BTRC: variants seen among roughly 807,000 people sequenced by gnomAD.
The protein encoded by BTRC is beta-transducin repeat containing E3 ubiquitin protein ligase, also known as F-box/WD repeat-containing protein 1A.
Under a neutral mutation model 85.5 loss-of-function variants are expected in BTRC, and 42 were observed. The observed-to-expected ratio is 0.49, with a 90% CI of 0.38 to 0.64. The LOEUF is 0.64. Ranked by LOEUF, BTRC falls within the 30% of genes least tolerant of loss-of-function variation. The pLI is 0.00. For missense variants in BTRC, 594 were observed against 743.5 expected (o/e 0.80, Z 2.34); for synonymous variants, 255 against 263.3 (o/e 0.97, Z 0.30).
chr10:101,354,058 G>T (rs1172780330), upstream of BTRC: 18 of 1,181,268 alleles, frequency 1.5e-5, no homozygotes, highest in African/African-American at 1.2e-4. Flanking sequence ...CTCAGCCTGC[G>T]CCTGAGAGGT....
chr10:101,480,396 T>TA lies in BTRC; in HGVS notation c.324+942dup, dbSNP rs769536004. Among the ~76,000 whole-genome samples, 7 of 152,332 alleles carry TA rather than the reference T, an allele frequency of 4.6e-5. No homozygotes were observed. In the South Asian group the frequency reaches 1.5e-3, roughly 32 times the overall value. ...AAAATACTGTAAGCTGGGTGGCTTA[T>TA]AAACAAAACTAATTTTTTTCTTATA... On this transcript the variant is annotated intron_variant, in intron 4 of 14. Transcript: ENST00000370187.
At chr10:101,475,480 C>G (rs752768275) in intron 3 of BTRC, among the ~76,000 whole-genome samples, 77 of 152,178 alleles carry the variant, frequency 5.1e-4, no homozygotes, top group Non-Finnish European at 9.8e-4. Flanking sequence ...GTGCAGGTTA[C>G]AGTGAGCCGA....
chr10:101,375,662 C>T (rs1025487005), intron 1 of BTRC, among the ~76,000 whole-genome samples: 1 of 152,164 alleles, frequency 6.6e-6, no homozygotes, highest in South Asian at 2.1e-4. Flanking sequence ...GGAAACCTAG[C>T]AAGGAACTAA....
chr10:101,404,445 A>G (rs1045413794), intron 1 of BTRC, among the ~76,000 whole-genome samples: 5 of 151,946 alleles, frequency 3.3e-5, no homozygotes, highest in African/African-American at 1.2e-4. Context: ...ATACCAAGTA[A>G]TTTTTGCGTT....
chr10:101,497,221 A>G lies in BTRC; in HGVS notation c.324+17764A>G, dbSNP rs369616437. Among the ~76,000 whole-genome samples, 19 of 152,122 alleles carry G rather than the reference A, an allele frequency of 1.2e-4. No individual in the cohort carries two copies. The East Asian group carries it at 2.3e-3, about 18-fold the overall frequency. On this transcript the variant is annotated intron_variant, in intron 4 of 14. Coordinates refer to ENST00000370187, the MANE Select transcript of BTRC (RefSeq NM_033637.4). ...ACCATATGCTTATAGGTCTTTATCA[A>G]AATCTTGAACTCTGATAGTAAGTGC...
chr10:101,524,676 T>C (rs1316967457), intron 5 of BTRC, among the ~76,000 whole-genome samples: 2 of 152,178 alleles, frequency 1.3e-5, no homozygotes, highest in Non-Finnish European at 2.9e-5. Flanking sequence ...GGACTGCATT[T>C]TGGAAATTTC....
chr10:101,437,472 T>C (rs560787844), intron 2 of BTRC, among the ~76,000 whole-genome samples: 4 of 152,204 alleles, frequency 2.6e-5, no homozygotes, highest in Non-Finnish European at 5.9e-5. Context: ...TTTATTACAT[T>C]TAATTAAATT....
At chr10:101,544,388 T>A (rs1218190475) in intron 13 of BTRC, among the ~76,000 whole-genome samples, 2 of 149,756 alleles carry the variant, frequency 1.3e-5, no homozygotes, top group African/African-American at 5.0e-5. Context: ...ATACTTTCAC[T>A]TGTTGTTTAC....
At chr10:101,379,300 C>G (rs928896821) in intron 1 of BTRC, among the ~76,000 whole-genome samples, 3 of 152,164 alleles carry the variant, frequency 2.0e-5, no homozygotes, top group Non-Finnish European at 4.4e-5. Flanking sequence ...AAACTACATA[C>G]AATTCTTAGG....
intron 1 of BTRC, among the ~76,000 whole-genome samples, chr10:101,366,949 T>TATATATTTATATATATTTATATATATTA: frequency 2.5e-5 from 1 of 39,494 alleles, no homozygotes; most frequent in African/African-American, 7.8e-5. Flanking sequence ...TATATATATT[T>TATATATTTATATATATTTATATATATTA]ATATATATAT....
intron 4 of BTRC, among the ~76,000 whole-genome samples, chr10:101,488,977 G>A (rs1946060397): frequency 6.6e-6 from 1 of 152,048 alleles, no homozygotes; most frequent in African/African-American, 2.4e-5. Flanking sequence ...TCAGTGCTAA[G>A]ATACTGCATT....
rs532181267 is a variant in BTRC at position 101,527,588 on chromosome 10, A to C, written c.743+1389A>C. 1.2e-4 allele frequency among the ~76,000 whole-genome samples: 18 copies of C among 152,226 alleles called. No individual in the cohort carries two copies. In the South Asian group the frequency reaches 3.7e-3, roughly 32 times the overall value. ...GGCAACATATTGAGACCTCATCTCT[A>C]CAAAAAAATCAAAAAATTAGCTGGG... On this transcript the variant is annotated intron_variant, in intron 6 of 14. Transcript: ENST00000370187.
At chr10:101,392,147 T>G (rs1242534886) in intron 1 of BTRC, among the ~76,000 whole-genome samples, 2 of 152,180 alleles carry the variant, frequency 1.3e-5, no homozygotes, top group Admixed American at 6.5e-5. Context: ...GCCCAGCTAA[T>G]TTTTGTATTT....
intron 13 of BTRC, among the ~76,000 whole-genome samples, chr10:101,543,015 T>TA (rs1192041191): frequency 2.0e-5 from 3 of 152,200 alleles, no homozygotes; most frequent in Non-Finnish European, 4.4e-5. Flanking sequence ...TAGCTGGCAT[T>TA]ACAGGCACCT....
intron 2 of BTRC, among the ~76,000 whole-genome samples, chr10:101,441,057 C>G (rs1232440731): frequency 6.6e-6 from 1 of 152,112 alleles, no homozygotes; most frequent in African/African-American, 2.4e-5. Context: ...CTATGAGAAC[C>G]CACTGTCTTG....
intron 13 of BTRC, among the ~76,000 whole-genome samples, chr10:101,541,361 G>A (rs201012455): frequency 1.4e-4 from 21 of 151,824 alleles, no homozygotes; most frequent in African/African-American, 9.7e-5. Flanking sequence ...CTGGGTTCAC[G>A]CCATTCTCCT....
At chr10:101,486,953 A>AC (rs1946005083) in intron 4 of BTRC, among the ~76,000 whole-genome samples, 2 of 152,210 alleles carry the variant, frequency 1.3e-5, no homozygotes, top group African/African-American at 4.8e-5. Flanking sequence ...ATTCTGAAAC[A>AC]TATTGTGAAT....
chr10:101,530,897 G>A (rs1031920023), intron 6 of BTRC, among the ~76,000 whole-genome samples: 2 of 152,178 alleles, frequency 1.3e-5, no homozygotes, highest in African/African-American at 2.4e-5. Context: ...ATGTCGGCCG[G>A]GTGTGATGGC....
At chr10:101,444,808 G>A (rs561420371) in intron 2 of BTRC, among the ~76,000 whole-genome samples, 1 of 152,248 alleles carries the variant, frequency 6.6e-6, no homozygotes, top group Admixed American at 6.5e-5. Context: ...ATGCACATGC[G>A]GTGCCAGCAT....
Sources: allele counts gnomAD v4.1 joint callset (sites outside exome capture counted in the v4.1 genomes callset), GRCh38; gene constraint gnomAD v4.1.1; transcripts MANE v1.5; gene names NCBI Gene and HGNC (gene_info 2026-07-23, HGNC 2026-07-21).